Variants in CNTNAP2 observed in about 807,000 individuals in gnomAD.
CNTNAP2 encodes the protein contactin-associated protein-like 2.
In CNTNAP2, 98 loss-of-function variants were observed where a neutral mutation model predicts 155.2. That is an observed-to-expected ratio of 0.63 (90% CI 0.54 to 0.75). The LOEUF (loss-of-function observed/expected upper bound fraction) is 0.75. Ranked by LOEUF, CNTNAP2 falls within the 30% of genes least tolerant of loss-of-function variation. The pLI is 0.00. For synonymous variants in CNTNAP2, 651 were observed against 631.2 expected, an observed-to-expected ratio of 1.03 and a Z score of -0.47; for missense variants, 1,727 against 1,688.1, an observed-to-expected ratio of 1.02 and a Z score of -0.40.
chr7:147,211,011 G>A (rs1187141089), intron 8 of CNTNAP2, among the ~76,000 whole-genome samples: 5 of 147,178 alleles, frequency 3.4e-5, no homozygotes, highest in Non-Finnish European at 7.5e-5. Context: ...GTCAGTCTTG[G>A]AGTAGGTTTT....
At chr7:147,342,461 C>T (rs1466798173) in intron 9 of CNTNAP2, among the ~76,000 whole-genome samples, 27 of 152,138 alleles carry the variant, frequency 1.8e-4, no homozygotes, top group Admixed American at 1.8e-3. Context: ...AAGGCAATTT[C>T]ACATACATTA....
At chr7:148,014,324 G>A (rs948873014) in intron 15 of CNTNAP2, 12 of 150,964 alleles carry the variant, frequency 7.9e-5, no homozygotes, top group African/African-American at 2.9e-4. Context: ...CTTGCAATGG[G>A]CTTTTTACCG....
intron 3 of CNTNAP2, among the ~76,000 whole-genome samples, chr7:146,878,583 T>G (rs1795476328): frequency 6.6e-6 from 1 of 152,144 alleles, no homozygotes; most frequent in Non-Finnish European, 1.5e-5. Context: ...ATTATTTCAC[T>G]AGTTTAACTT....
chr7:147,326,034 T>C (rs1795449572), intron 9 of CNTNAP2, among the ~76,000 whole-genome samples: 1 of 152,168 alleles, frequency 6.6e-6, no homozygotes, highest in African/African-American at 2.4e-5. Flanking sequence ...GCCATTCTCC[T>C]GCCTCAGCCT....
intron 13 of CNTNAP2, among the ~76,000 whole-genome samples, chr7:147,893,203 A>G (rs1799721065): frequency 6.6e-6 from 1 of 152,222 alleles, no homozygotes; most frequent in South Asian, 2.1e-4. Context: ...TTTTGCATCT[A>G]TGAGAATGCC....
chr7:147,990,726 C>T (rs1390762521), intron 15 of CNTNAP2, among the ~76,000 whole-genome samples: 3 of 152,082 alleles, frequency 2.0e-5, no homozygotes, highest in Non-Finnish European at 4.4e-5. Flanking sequence ...GATGGTGATG[C>T]TCCTGCTCTG....
At chr7:146,828,899 T>G (rs761196893) in intron 2 of CNTNAP2, among the ~76,000 whole-genome samples, 1 of 152,094 alleles carries the variant, frequency 6.6e-6, no homozygotes, top group Non-Finnish European at 1.5e-5. Context: ...CTAGCCTCTG[T>G]GTATATCACT....
At chr7:147,814,701 C>A (rs1798238460) in intron 13 of CNTNAP2, among the ~76,000 whole-genome samples, 1 of 152,092 alleles carries the variant, frequency 6.6e-6, no homozygotes. Context: ...GCATGTAGTT[C>A]CTGACTTTCA....
intron 13 of CNTNAP2, among the ~76,000 whole-genome samples, chr7:147,806,201 AT>A (rs758078460): frequency 4.6e-5 from 7 of 152,188 alleles, no homozygotes; most frequent in African/African-American, 7.2e-5. Context: ...CTGAGTAGAC[AT>A]TTTTCACATA....
At chr7:147,651,241 T>C (rs893460410) in intron 13 of CNTNAP2, among the ~76,000 whole-genome samples, 6 of 152,216 alleles carry the variant, frequency 3.9e-5, no homozygotes, top group Admixed American at 6.5e-5. Flanking sequence ...AGACACAAAC[T>C]GAAGCTGATG....
chr7:148,238,563 A>C (rs1382650406), intron 20 of CNTNAP2, among the ~76,000 whole-genome samples: 3 of 152,204 alleles, frequency 2.0e-5, no homozygotes, highest in African/African-American at 7.2e-5. Flanking sequence ...TCTTTTGAGG[A>C]TTTGTGTTTT....
At chr7:146,220,526 T>C (rs913868275) in intron 1 of CNTNAP2, among the ~76,000 whole-genome samples, 28 of 152,262 alleles carry the variant, frequency 1.8e-4, no homozygotes, top group African/African-American at 6.5e-4. Context: ...TGTACTAGTA[T>C]AGAAAGCACC....
intron 13 of CNTNAP2, among the ~76,000 whole-genome samples, chr7:147,861,994 T>A: frequency 1.8e-5 from 1 of 56,866 alleles, no homozygotes; most frequent in South Asian, 7.0e-4. Flanking sequence ...TGAAACTCCA[T>A]CTCACAAAAA....
At chr7:146,235,603 G>A (rs956298750) in intron 1 of CNTNAP2, among the ~76,000 whole-genome samples, 1 of 152,094 alleles carries the variant, frequency 6.6e-6, no homozygotes, top group African/African-American at 2.4e-5. Flanking sequence ...GGGGCATAAG[G>A]GATCTGGGGT....
intron 21 of CNTNAP2, among the ~76,000 whole-genome samples, chr7:148,344,846 A>T (rs1397399263): frequency 6.6e-6 from 1 of 152,226 alleles, no homozygotes. Flanking sequence ...AAATGAAAGT[A>T]TCAAGGTTAA....
chr7:148,284,245 G>A (rs185487137), intron 21 of CNTNAP2, among the ~76,000 whole-genome samples: 31 of 152,156 alleles, frequency 2.0e-4, no homozygotes, highest in African/African-American at 6.0e-4. Flanking sequence ...GGAGGGACCC[G>A]ATGGGAGATA....
chr7:148,015,436 A>T (rs1802160943), intron 15 of CNTNAP2, among the ~76,000 whole-genome samples: 1 of 152,206 alleles, frequency 6.6e-6, no homozygotes, highest in Non-Finnish European at 1.5e-5. Flanking sequence ...CCAAGGACAC[A>T]GAGGAGCGCC....
At chr7:147,327,957 G>C (rs1187741906) in intron 9 of CNTNAP2, among the ~76,000 whole-genome samples, 1 of 151,920 alleles carries the variant, frequency 6.6e-6, no homozygotes, top group Non-Finnish European at 1.5e-5. Context: ...AGAATCTAGA[G>C]AGAATTAACT....
chr7:148,244,638 C>T lies in CNTNAP2; in HGVS notation c.3381+14859C>T, dbSNP rs1255927003. 3.3e-5 allele frequency among the ~76,000 whole-genome samples: 5 copies of T among 151,524 alleles called. No homozygotes were observed. In the East Asian group the frequency reaches 9.8e-4, roughly 30 times the overall value. ...AGTGTAGTGGCATGATCTCAGCTCA[C>T]TGCAGCCTCCGCCTCCTGGGCTCAA... On this transcript the variant is annotated intron_variant, in intron 20 of 23. Transcript: ENST00000361727.
Sources: gnomAD v4.1 joint callset for allele counts (sites outside exome capture counted in the v4.1 genomes callset) on GRCh38, gnomAD v4.1.1 for gene constraint, MANE v1.5 for transcripts, NCBI Gene and HGNC (gene_info 2026-07-23, HGNC 2026-07-21) for gene names.